The following DLGAP2 variants were observed in gnomAD, a reference collection of about 807,000 sequenced individuals.
The protein encoded by DLGAP2 is DLG associated protein 2.
Under a neutral mutation model 100.3 loss-of-function variants are expected in DLGAP2, and 26 were observed. The ratio of observed to expected loss-of-function variants is 0.26; its 90% CI spans 0.19 to 0.36. DLGAP2 has a LOEUF of 0.36. Among genes scored for constraint, DLGAP2 ranks in the 10% least tolerant of loss-of-function variants. The pLI, the probability that DLGAP2 is intolerant of heterozygous loss-of-function variation, is 1.00. For missense variants in DLGAP2, 1,858 were observed against 1,453.2 expected (o/e 1.28, Z -4.53); for synonymous variants, 886 against 630.1 (o/e 1.41, Z -6.08).
At chr8:1,577,211 T>G (rs1803014697) in intron 6 of DLGAP2, among the ~76,000 whole-genome samples, 1 of 138,316 alleles carries the variant, frequency 7.2e-6, no homozygotes, top group Admixed American at 7.2e-5. Context: ...TTCTACATTG[T>G]ACTTAAAATC....
At chr8:954,948 G>A (rs955944360) in intron 2 of DLGAP2, among the ~76,000 whole-genome samples, 8 of 152,134 alleles carry the variant, frequency 5.3e-5, no homozygotes, top group African/African-American at 1.7e-4. Context: ...ATGGTCATCA[G>A]TTGTTCCCTA....
intron 2 of DLGAP2, among the ~76,000 whole-genome samples, chr8:945,917 A>G (rs556981367): frequency 1.3e-5 from 2 of 152,216 alleles, no homozygotes; most frequent in South Asian, 4.1e-4. Flanking sequence ...CCTTGAAGAC[A>G]TGGGAAGTTC....
chr8:1,296,826 C>G (rs1343330705), intron 3 of DLGAP2, among the ~76,000 whole-genome samples: 1 of 152,184 alleles, frequency 6.6e-6, no homozygotes, highest in East Asian at 1.9e-4. Context: ...GGAGCGGCCC[C>G]CGAACCACAC....
intron 1 of DLGAP2, among the ~76,000 whole-genome samples, chr8:869,688 C>A (rs10110537): frequency 6.6e-6 from 1 of 151,996 alleles, no homozygotes; most frequent in African/African-American, 2.4e-5. Context: ...ATGTTTTGAA[C>A]CGTAGTTGGA....
intron 2 of DLGAP2, among the ~76,000 whole-genome samples, chr8:1,245,542 T>A (rs1430539352): frequency 6.6e-6 from 1 of 152,048 alleles, no homozygotes; most frequent in Non-Finnish European, 1.5e-5. Context: ...AACAGGCAAA[T>A]CTATATAGAA....
chr8:914,408 T>C (rs17667487), intron 2 of DLGAP2, among the ~76,000 whole-genome samples: 18,277 of 152,288 alleles, frequency 0.12, 1,453 homozygotes, highest in Admixed American at 0.26. Context: ...TGGAAATGCC[T>C]TTATTAGAAA....
At position 1,146,592 on chromosome 8, in the gene DLGAP2, C is replaced by T. The variant is rs192619915; in HGVS notation, c.74-112259C>T. ...ATGTGTGTGTATGCACATGTGTGTG[C>T]ACCTGCGCATGTGTGTGCATGCACG... On this transcript the variant is annotated intron_variant, in intron 2 of 14. Transcript: ENST00000637795. Among the ~76,000 whole-genome samples the T allele has an allele frequency of 5.1e-4, 77 of 152,036 alleles. 1 individual carries two copies. In the East Asian group the frequency reaches 0.014, roughly 28 times the overall value.
intron 12 of DLGAP2, among the ~76,000 whole-genome samples, chr8:1,684,607 G>C (rs560247009): frequency 2.6e-5 from 4 of 152,130 alleles, no homozygotes; most frequent in South Asian, 4.2e-4. Flanking sequence ...GTCTTCTATG[G>C]TTAATAAAAT....
intron 2 of DLGAP2, among the ~76,000 whole-genome samples, chr8:953,250 A>G (rs1359240005): frequency 6.6e-6 from 1 of 151,772 alleles, no homozygotes; most frequent in African/African-American, 2.4e-5. Context: ...GCTGGAGTGC[A>G]GTGGTGCATT....
At chr8:786,703 G>A (rs1188037841) in intron 1 of DLGAP2, among the ~76,000 whole-genome samples, 12 of 152,110 alleles carry the variant, frequency 7.9e-5, no homozygotes, top group African/African-American at 2.9e-4. Flanking sequence ...TGGGGTGGCT[G>A]AGAAGGGAGA....
chr8:1,603,516 G>T (rs541873220), intron 6 of DLGAP2, among the ~76,000 whole-genome samples: 6 of 151,522 alleles, frequency 4.0e-5, no homozygotes, highest in Non-Finnish European at 7.4e-5. Flanking sequence ...CATAGAGGCT[G>T]GTTAGAGTGG....
At chr8:1,136,844 G>A (rs761533680) in intron 2 of DLGAP2, among the ~76,000 whole-genome samples, 2 of 152,198 alleles carry the variant, frequency 1.3e-5, no homozygotes, top group South Asian at 4.1e-4. Flanking sequence ...ATTTTTAAAT[G>A]TAGTGATCTT....
chr8:1,320,807 G>T (rs1226987848), intron 3 of DLGAP2, among the ~76,000 whole-genome samples: 1 of 152,196 alleles, frequency 6.6e-6, no homozygotes. Context: ...AGCCAAGGCT[G>T]GAGGTGCTGC....
At chr8:1,137,413 C>T (rs930625707) in intron 2 of DLGAP2, 6 of 152,626 alleles carry the variant, frequency 3.9e-5, no homozygotes, top group Non-Finnish European at 5.9e-5. Context: ...GCTGATGTCC[C>T]GCTATCGGTG....
chr8:1,383,143 A>G (rs978909861), intron 3 of DLGAP2, among the ~76,000 whole-genome samples: 1 of 152,156 alleles, frequency 6.6e-6, no homozygotes, highest in African/African-American at 2.4e-5. Context: ...CCCTTTATCT[A>G]TTTTGGCAAA....
chr8:860,892 T>C (rs1050330905), intron 1 of DLGAP2, among the ~76,000 whole-genome samples: 3 of 152,018 alleles, frequency 2.0e-5, no homozygotes, highest in Non-Finnish European at 2.9e-5. Context: ...AAAGTAGGAC[T>C]AGGGTGGAGG....
intron 2 of DLGAP2, among the ~76,000 whole-genome samples, chr8:924,421 A>G (rs1301203124): frequency 1.3e-5 from 2 of 151,992 alleles, no homozygotes; most frequent in Non-Finnish European, 2.9e-5. Context: ...GGGAGGGACA[A>G]TGTTGTGGGG....
At chr8:1,678,146 T>C (rs1798852331) in intron 11 of DLGAP2, 68 bp from the exon 12 acceptor site, 4 of 1,531,960 alleles carry the variant, frequency 2.6e-6, no homozygotes, top group Non-Finnish European at 2.6e-6. Flanking sequence ...ACAGGCGACA[T>C]GTAGGACTTT....
intron 2 of DLGAP2, among the ~76,000 whole-genome samples, chr8:1,081,380 C>T (rs1803803051): frequency 6.6e-6 from 1 of 152,190 alleles, no homozygotes; most frequent in South Asian, 2.1e-4. Context: ...GAGATGGAAT[C>T]TTGCTCTGTC....
Sources: allele counts gnomAD v4.1 joint callset (sites outside exome capture counted in the v4.1 genomes callset), GRCh38; gene constraint gnomAD v4.1.1; transcripts MANE v1.5; gene names NCBI Gene and HGNC (gene_info 2026-07-23, HGNC 2026-07-21).